The following HORMAD2 variants were observed in gnomAD, a reference collection of about 807,000 sequenced individuals.
HORMAD2 encodes the protein HORMA domain-containing protein 2.
HORMAD2 carries 45 observed loss-of-function variants against 38.8 expected under a neutral mutation model. That is an observed-to-expected ratio of 1.16 (90% CI 0.91 to 1.49). HORMAD2 has a LOEUF of 1.49. Ranked by LOEUF, HORMAD2 falls within the 40% of genes most tolerant of loss-of-function variation. The pLI is 0.00. For missense variants in HORMAD2, 338 were observed against 367.0 expected (o/e 0.92, Z 0.65); for synonymous variants, 126 against 122.8 (o/e 1.03, Z -0.17).
chr22:30,164,341 TAA>T (rs1569118038), intron 10 of HORMAD2, among the ~76,000 whole-genome samples: 1 of 152,184 alleles, frequency 6.6e-6, no homozygotes, highest in African/African-American at 2.4e-5. Flanking sequence ...GATAATATGG[TAA>T]TTCTATTTTT....
Position 30,121,783 on chromosome 22 carries a change from A to G in HORMAD2, c.562A>G (p.Asn188Asp), listed in dbSNP as rs748775379. Residue 188 changes from asparagine (N) to aspartate (D), a missense_variant, in exon 9 of 11, where the codon AAT (asparagine) becomes GAT (aspartate). Transcript: ENST00000336726. ...VVLTMKLHYY[N>D]AVTPHDYQPL... ...ACTTACTATGAAACTCCACTACTAT[A>G]ATGCAGGTAGGTAGAGAACTTTAGG... 24 of 1,609,122 alleles carry G rather than the reference A, an allele frequency of 1.5e-5. No homozygotes were observed. The highest frequency in any genetic ancestry group is 2.0e-5 in the Non-Finnish European group (24 of 1,178,334).
At chr22:30,120,042 C>T (rs1357528734) in intron 8 of HORMAD2, among the ~76,000 whole-genome samples, 4 of 152,164 alleles carry the variant, frequency 2.6e-5, no homozygotes, top group South Asian at 2.1e-4. Context: ...TAAAAAGTTA[C>T]CTTTACTCTC....
the HORMAD2 span, among the ~76,000 whole-genome samples, chr22:30,198,139 G>C: frequency 6.6e-6 from 1 of 152,092 alleles, no homozygotes; most frequent in African/African-American, 2.4e-5. Flanking sequence ...AGCCGAGATC[G>C]AGCCACTGCA....
intron 10 of HORMAD2, among the ~76,000 whole-genome samples, chr22:30,152,780 G>A (rs1569112717): frequency 6.6e-6 from 1 of 151,384 alleles, no homozygotes; most frequent in Non-Finnish European, 1.5e-5. Flanking sequence ...TCTAATTGTG[G>A]GCATCCCCAA....
intron 10 of HORMAD2, among the ~76,000 whole-genome samples, chr22:30,167,208 C>T (rs184360061): frequency 2.0e-5 from 3 of 152,290 alleles, no homozygotes; most frequent in East Asian, 1.9e-4. Context: ...TTCACATCTC[C>T]CATTGCCTCT....
rs979575996 is a variant in HORMAD2, at chr22:30,175,936, C to A, written c.820-127C>A. 27 of 623,062 alleles carry A rather than the reference C, an allele frequency of 4.3e-5. 1 individual carries two copies. In the South Asian group the frequency reaches 5.3e-4, roughly 12 times the overall value. 38.6% of individuals were successfully genotyped at this position (623,062 alleles called of 1,614,324 possible). A position where few individuals can be genotyped will look rare whatever the true frequency, so the allele number is the denominator to read the frequency against. On this transcript the variant is annotated intron_variant, in intron 10 of 10. Coordinates refer to ENST00000336726, the MANE Select transcript of HORMAD2 (RefSeq NM_152510.4). ...CTCTGTGCAGGGCCAAACCAGCCCA[C>A]AGGAAAGCAGGTTTGGATCCGTTAT...
intron 10 of HORMAD2, among the ~76,000 whole-genome samples, chr22:30,153,629 A>G (rs1489219806): frequency 1.3e-5 from 2 of 152,068 alleles, no homozygotes; most frequent in Admixed American, 6.6e-5. Flanking sequence ...CCTGTGTCCA[A>G]TTCCCTGCTT....
chr22:30,129,550 A>T (rs1434485260), intron 10 of HORMAD2, among the ~76,000 whole-genome samples: 2 of 152,208 alleles, frequency 1.3e-5, no homozygotes, highest in East Asian at 3.8e-4. Context: ...AATTAGCCCA[A>T]GACTCCATAC....
At chr22:30,183,037 C>A in the HORMAD2 span, among the ~76,000 whole-genome samples, 1 of 152,176 alleles carries the variant, frequency 6.6e-6, no homozygotes, top group African/African-American at 2.4e-5. Context: ...CTTGCTTACG[C>A]ACATTTATTT....
intron 10 of HORMAD2, among the ~76,000 whole-genome samples, chr22:30,154,234 A>T (rs1485895875): frequency 1.3e-5 from 2 of 152,240 alleles, no homozygotes; most frequent in Non-Finnish European, 2.9e-5. Context: ...AAGTGTTTTC[A>T]GTTTCCACAA....
At chr22:30,192,954 A>C in the HORMAD2 span, among the ~76,000 whole-genome samples, 1 of 152,344 alleles carries the variant, frequency 6.6e-6, no homozygotes, top group East Asian at 1.9e-4. Context: ...ATAAGGAAAC[A>C]TACAGGCACA....
chr22:30,115,814 G>A (rs1282355631), intron 7 of HORMAD2, among the ~76,000 whole-genome samples: 1 of 152,204 alleles, frequency 6.6e-6, no homozygotes, highest in Non-Finnish European at 1.5e-5. Context: ...AGGAGGGATT[G>A]GATGGCTGTG....
At chr22:30,164,397 C>T (rs1385671409) in intron 10 of HORMAD2, among the ~76,000 whole-genome samples, 1 of 152,120 alleles carries the variant, frequency 6.6e-6, no homozygotes, top group South Asian at 2.1e-4. Context: ...AGCAGCTGCA[C>T]CATTTAACAT....
At chr22:30,127,925 G>T (rs1457007755) in intron 10 of HORMAD2, among the ~76,000 whole-genome samples, 2 of 152,010 alleles carry the variant, frequency 1.3e-5, no homozygotes, top group Non-Finnish European at 2.9e-5. Flanking sequence ...TTTTGCCTTT[G>T]AAGTATTTCT....
At chr22:30,170,807 T>C (rs773442004) in intron 10 of HORMAD2, among the ~76,000 whole-genome samples, 1 of 152,196 alleles carries the variant, frequency 6.6e-6, no homozygotes, top group Non-Finnish European at 1.5e-5. Flanking sequence ...TAAAACTTTG[T>C]GTACTTGTCT....
chr22:30,116,816 A>G (rs1922075577), intron 7 of HORMAD2, among the ~76,000 whole-genome samples: 1 of 152,246 alleles, frequency 6.6e-6, no homozygotes, highest in Non-Finnish European at 1.5e-5. Flanking sequence ...ATTTAAAAAA[A>G]CAAAAGATCA....
downstream of HORMAD2, among the ~76,000 whole-genome samples, chr22:30,181,540 C>T (rs1216721976): frequency 1.3e-5 from 2 of 152,170 alleles, no homozygotes; most frequent in East Asian, 1.9e-4. Flanking sequence ...AAAACAGAAG[C>T]TTGTTAATTA....
At chr22:30,126,832 A>T (rs777477299) in intron 10 of HORMAD2, among the ~76,000 whole-genome samples, 1 of 152,224 alleles carries the variant, frequency 6.6e-6, no homozygotes, top group South Asian at 2.1e-4. Context: ...GTTGCTTTAC[A>T]TCCTCACTAA....
chr22:30,120,004 C>A (rs1442052994), intron 8 of HORMAD2, among the ~76,000 whole-genome samples: 4 of 152,166 alleles, frequency 2.6e-5, no homozygotes, highest in Non-Finnish European at 5.9e-5. Flanking sequence ...GCTTATACAG[C>A]AGCACTTTTC....
Sources: gnomAD v4.1 joint callset for allele counts (sites outside exome capture counted in the v4.1 genomes callset) on GRCh38, gnomAD v4.1.1 for gene constraint, MANE v1.5 for transcripts, NCBI Gene and HGNC (gene_info 2026-07-23, HGNC 2026-07-21) for gene names.